VAV1: variants seen among roughly 807,000 people sequenced by gnomAD.
VAV1 encodes the protein proto-oncogene vav.
VAV1 carries 33 observed loss-of-function variants against 128.1 expected under a neutral mutation model. The ratio of observed to expected loss-of-function variants is 0.26; its 90% CI spans 0.20 to 0.34. The LOEUF (loss-of-function observed/expected upper bound fraction) is 0.34, where lower values mean the gene tolerates loss of function less well. Among genes scored for constraint, VAV1 ranks in the 10% least tolerant of loss-of-function variants. The pLI, the probability that VAV1 is intolerant of heterozygous loss-of-function variation, is 1.00. For missense variants in VAV1, 715 were observed against 1,093.7 expected (o/e 0.65, Z 4.88); for synonymous variants, 394 against 409.8 (o/e 0.96, Z 0.47).
rs1341694711 is a variant in VAV1, at chr19:6,834,431, A to G, written c.1777+478A>G. The stretch of plus-strand genomic sequence containing the variant: ...GCTAATTTTTGTATTTTTAGTAAAG[A>G]CGGGGTTTCACCATGTTGGGCAGGC... On this transcript the variant is annotated intron_variant, in intron 19 of 26. Coordinates refer to ENST00000602142, the MANE Select transcript of VAV1 (RefSeq NM_005428.4). 1.1e-4 allele frequency among the ~76,000 whole-genome samples: 16 copies of G among 151,334 alleles called. No homozygotes were observed. In the Admixed American group the frequency reaches 1.1e-3, roughly 10 times the overall value.
intron 1 of VAV1, among the ~76,000 whole-genome samples, chr19:6,776,077 T>TATCCATCCATCCATCC (rs56806852): frequency 1.9e-4 from 25 of 129,280 alleles, no homozygotes; most frequent in Middle Eastern, 4.2e-3. Flanking sequence ...TCCATCCATT[T>TATCCATCCATCCATCC]ATCCATCCAT....
At chr19:6,795,027 G>C (rs976140161) in intron 1 of VAV1, among the ~76,000 whole-genome samples, 1 of 152,130 alleles carries the variant, frequency 6.6e-6, no homozygotes, top group Non-Finnish European at 1.5e-5. Flanking sequence ...ACAACATGGC[G>C]ACCGGGTTTC....
rs962555475 is a variant in VAV1, at chr19:6,853,063, C to T, written c.2316C>T (p.Thr772=). The T allele has an allele frequency of 1.9e-6, 3 of 1,611,000 alleles. No individual in the cohort carries two copies. Among genetic ancestry groups the T allele is most frequent in the African/African-American group, 1.3e-5 (1 of 74,844 alleles). ...CCTTCAAGGAGCCTGAAAAGAGAAC[C>T]ATCAGCAGGCCAGCAGGTAGGAGGT... The part of the protein sequence containing the change: ...QFPFKEPEKR[T]ISRPAVGSTK... The change falls in exon 25 of 27, where the codon ACC becomes ACT. Residue 772 remains threonine (T), a synonymous_variant. Coordinates refer to ENST00000602142, the MANE Select transcript of VAV1 (RefSeq NM_005428.4).
intron 1 of VAV1, among the ~76,000 whole-genome samples, chr19:6,776,650 A>T (rs1599610927): frequency 6.6e-6 from 1 of 151,496 alleles, no homozygotes; most frequent in African/African-American, 2.4e-5. Flanking sequence ...CAGTCTATCC[A>T]TCCATCTACT....
intron 22 of VAV1, among the ~76,000 whole-genome samples, chr19:6,845,403 CAAAT>C (rs770285378): frequency 7.2e-5 from 11 of 151,844 alleles, no homozygotes; most frequent in East Asian, 5.8e-4. Context: ...AACAAACAAA[CAAAT>C]AAATAAATAA....
intron 1 of VAV1, among the ~76,000 whole-genome samples, chr19:6,773,290 C>A (rs542384870): frequency 6.6e-6 from 1 of 152,074 alleles, no homozygotes; most frequent in Non-Finnish European, 1.5e-5. Context: ...AAGCCCCAGG[C>A]GCCTCTACTG....
chr19:6,821,593 C>T (rs200146364), intron 2 of VAV1, 29 bp from the exon 3 acceptor site: 2 of 1,613,934 alleles, frequency 1.2e-6, no homozygotes, highest in East Asian at 4.5e-5. Context: ...GTACAAGGGG[C>T]TCACTGAGTG....
chr19:6,791,620 A>G (rs1313309440), intron 1 of VAV1, among the ~76,000 whole-genome samples: 1 of 152,226 alleles, frequency 6.6e-6, no homozygotes, highest in East Asian at 1.9e-4. Context: ...AAAAATGTTC[A>G]CAGGTCACCT....
intron 25 of VAV1, 42 bp downstream of exon 25, chr19:6,853,121 C>T: frequency 6.3e-7 from 1 of 1,585,958 alleles, no homozygotes. Context: ...TCAGCCCCTT[C>T]CCATTGTGGA....
At chr19:6,776,353 TATCC>T (rs371099055) in intron 1 of VAV1, among the ~76,000 whole-genome samples, 10,467 of 72,426 alleles carry the variant, frequency 0.14, 449 homozygotes, top group Non-Finnish European at 0.16. Context: ...TCCACTCATC[TATCC>T]ATCCATCCAT....
chr19:6,853,911 C>G, intron 25 of VAV1, 36 bp from the exon 26 acceptor site: 1 of 1,598,402 alleles, frequency 6.3e-7, no homozygotes. Context: ...GGTATCTGCC[C>G]CAGACCCTTT....
intron 6 of VAV1, among the ~76,000 whole-genome samples, chr19:6,824,459 C>T (rs549194174): frequency 6.6e-6 from 1 of 152,230 alleles, no homozygotes; most frequent in African/African-American, 2.4e-5. Flanking sequence ...CAAGGTTCAT[C>T]CACATTGTAG....
intron 16 of VAV1, 101 bp downstream of exon 16, chr19:6,833,386 G>T: frequency 5.0e-6 from 7 of 1,386,760 alleles, no homozygotes; most frequent in Non-Finnish European, 7.0e-6. Flanking sequence ...GGAGATGGGG[G>T]AGTCCCTACT....
At chr19:6,836,943 C>T (rs1295946862) in intron 20 of VAV1, 42 bp from the exon 21 acceptor site, 16 of 1,606,302 alleles carry the variant, frequency 1.0e-5, no homozygotes, top group Non-Finnish European at 1.4e-5. Context: ...GTTATGGATC[C>T]TATAACCTCT....
In VAV1 at chr19:6,843,150, C is replaced by A; in HGVS notation, c.1996C>A (p.Leu666Met). 6.2e-7 allele frequency: 1 copy of A among 1,614,150 alleles called. No individual in the cohort carries two copies. ...KPYVHGPPQD[L>M]SVHLWYAGPM... is the part of the protein sequence containing the mutation. ...GTATTCTTAGGGCCCTCCTCAGGAC[C>A]TGTCTGTTCATCTCTGGTGAGTAGA... Residue 666 changes from leucine (L) to methionine (M), a missense_variant, in exon 22 of 27, where the codon CTG becomes ATG. Leu to Met is a conservative substitution (Grantham distance 15, BLOSUM62 2). Transcript: ENST00000602142.
chr19:6,822,369 C>CG lies in VAV1; in HGVS notation c.559-44dup. 3.2e-6 allele frequency: 2 copies of CG among 632,998 alleles called. No homozygotes were observed. The highest frequency in any genetic ancestry group is 2.7e-6 in the Non-Finnish European group (1 of 365,432). 39.2% of individuals were successfully genotyped at this position (632,998 alleles called of 1,614,324 possible). On this transcript the variant is annotated intron_variant, in intron 5 of 26. Coordinates refer to ENST00000602142, the MANE Select transcript of VAV1 (RefSeq NM_005428.4). The surrounding 1 kb of genome is among the most constrained non-coding windows in gnomAD (Gnocchi z 5.9). Reference sequence around the variant, plus strand: ...GGGTCGGGCCTGGGGAGGGCGTGGGCGGGGGGCAGCCCCAGGCCCCCCAAC... The same window carrying CG: ...GGGTCGGGCCTGGGGAGGGCGTGGGCGGGGGGGCAGCCCCAGGCCCCCCAAC...
At position 6,822,552 on chromosome 19, in the gene VAV1, G is replaced by C. The variant is rs753824609; in HGVS notation, c.654+38G>C. On this transcript the variant is annotated intron_variant, in intron 6 of 26. Coordinates refer to ENST00000602142, the MANE Select transcript of VAV1 (RefSeq NM_005428.4). This position sits in a 1 kb window ranked among gnomAD's most constrained non-coding sequence, Gnocchi z 5.9. The stretch of plus-strand genomic sequence containing the variant: ...CACCCAGCGCCTGCCGGGCGCATGC[G>C]CGGGAGCTGGGCCGGCAGGTGCACG... 1.3e-6 allele frequency: 2 copies of C among 1,532,440 alleles called. No homozygotes were observed. Among genetic ancestry groups the C allele is most frequent in the South Asian group, 2.4e-5 (2 of 83,724 alleles). 94.9% of individuals were successfully genotyped at this position (1,532,440 alleles called of 1,614,324 possible).
intron 1 of VAV1, among the ~76,000 whole-genome samples, chr19:6,799,107 G>C (rs1971206024): frequency 6.6e-6 from 1 of 152,032 alleles, no homozygotes; most frequent in Admixed American, 6.6e-5. Context: ...GTACCATTCT[G>C]TTGTACGGAT....
At chr19:6,796,515 C>T (rs1971140072) in intron 1 of VAV1, among the ~76,000 whole-genome samples, 2 of 152,208 alleles carry the variant, frequency 1.3e-5, no homozygotes, top group Admixed American at 1.3e-4. Context: ...GGCCTTTGCA[C>T]TGGCTGTTCC....
Sources: gnomAD v4.1 joint callset for allele counts (sites outside exome capture counted in the v4.1 genomes callset) on GRCh38, gnomAD v4.1.1 for gene constraint, Gnocchi (gnomAD v3.1) non-coding constraint, MANE v1.5 for transcripts, NCBI Gene and HGNC (gene_info 2026-07-23, HGNC 2026-07-21) for gene names.